XPO1: variants seen among roughly 807,000 people sequenced by gnomAD.
XPO1 encodes the protein exportin-1.
XPO1 carries 5 observed loss-of-function variants against 133.3 expected under a neutral mutation model. That is an observed-to-expected ratio of 0.04 (90% CI 0.02 to 0.08). The LOEUF is 0.08. Among genes scored for constraint, XPO1 ranks in the 10% least tolerant of loss-of-function variants. XPO1 has a pLI of 1.00. For synonymous variants in XPO1, 419 were observed against 408.2 expected (o/e 1.03, Z -0.32); for missense variants, 506 against 1,267.5 (o/e 0.40, Z 9.12).
chr2:61,535,166 T>C (rs967290749), intron 1 of XPO1, among the ~76,000 whole-genome samples: 2 of 152,252 alleles, frequency 1.3e-5, no homozygotes, highest in Non-Finnish European at 2.9e-5. Context: ...CCCAGAATTA[T>C]AAAATATATC....
At chr2:61,521,745 T>G (rs1267589286) in intron 4 of XPO1, among the ~76,000 whole-genome samples, 3 of 151,808 alleles carry the variant, frequency 2.0e-5, no homozygotes, top group South Asian at 4.2e-4. Context: ...TTACATATGG[T>G]TTTTTTTGTT....
At chr2:61,517,945 G>A (rs1558666504) in intron 4 of XPO1, among the ~76,000 whole-genome samples, 1 of 151,952 alleles carries the variant, frequency 6.6e-6, no homozygotes, top group Non-Finnish European at 1.5e-5. Context: ...TGGTCAACAT[G>A]GCGAAACCCT....
chr2:61,526,155 C>T, intron 3 of XPO1: 1 of 1,252,984 alleles, frequency 8.0e-7, no homozygotes, highest in Non-Finnish European at 1.0e-6. Flanking sequence ...CTACTTAGAC[C>T]TGTATACATA....
chr2:61,532,391 T>C (rs1307769109), intron 2 of XPO1, among the ~76,000 whole-genome samples: 1 of 151,958 alleles, frequency 6.6e-6, no homozygotes, highest in Non-Finnish European at 1.5e-5. Flanking sequence ...CCTCTCAAAG[T>C]GCTGGGATTA....
chr2:61,490,810 T>C, intron 16 of XPO1, 34 bp from the exon 17 acceptor site: 1 of 1,601,568 alleles, frequency 6.2e-7, no homozygotes, highest in Non-Finnish European at 8.5e-7. Flanking sequence ...AACGTTTATG[T>C]TATACACCCT....
chr2:61,527,675 G>A (rs188335921), intron 2 of XPO1, among the ~76,000 whole-genome samples: 72 of 152,032 alleles, frequency 4.7e-4, no homozygotes, highest in Admixed American at 2.0e-3. Flanking sequence ...CTTTAAAGAG[G>A]GCTCCTAACA....
intron 6 of XPO1, among the ~76,000 whole-genome samples, chr2:61,501,524 C>T (rs1449197270): frequency 6.6e-6 from 1 of 151,856 alleles, no homozygotes; most frequent in African/African-American, 2.4e-5. Context: ...GAGTTTGAGA[C>T]CAGCCTGGCC....
chr2:61,493,755 C>A (rs1454175423), intron 12 of XPO1, 139 bp downstream of exon 12: 1 of 875,020 alleles, frequency 1.1e-6, no homozygotes, highest in African/African-American at 1.7e-5. Context: ...CTTTCATGTT[C>A]TAGTTTTCCA....
intron 24 of XPO1, among the ~76,000 whole-genome samples, chr2:61,480,892 T>C (rs928020961): frequency 6.6e-6 from 1 of 152,030 alleles, no homozygotes; most frequent in African/African-American, 2.4e-5. Context: ...TAAAAAGAAC[T>C]ACCAACGTTT....
chr2:61,496,842 A>G, intron 10 of XPO1, 37 bp downstream of exon 10: 1 of 1,481,538 alleles, frequency 6.7e-7, no homozygotes, highest in South Asian at 1.4e-5. Context: ...AAGGCACTAA[A>G]ATTATTCAGC....
intron 4 of XPO1, among the ~76,000 whole-genome samples, chr2:61,520,379 G>A (rs1698630953): frequency 6.6e-6 from 1 of 152,106 alleles, no homozygotes; most frequent in Admixed American, 6.6e-5. Context: ...AAGTATGGTG[G>A]CTCATGCTTA....
intron 2 of XPO1, among the ~76,000 whole-genome samples, chr2:61,528,738 TA>T (rs1699024087): frequency 2.4e-4 from 1 of 4,220 alleles, no homozygotes; most frequent in African/African-American, 2.3e-3. Flanking sequence ...TTTATTTATA[TA>T]TATATATATA....
At chr2:61,496,426 T>C (rs753289684) in intron 10 of XPO1, among the ~76,000 whole-genome samples, 1 of 152,162 alleles carries the variant, frequency 6.6e-6, no homozygotes, top group Non-Finnish European at 1.5e-5. Flanking sequence ...TCCTGGCTGG[T>C]CTCGAACTCC....
At chr2:61,479,455 C>CA (rs11439788) in intron 24 of XPO1, among the ~76,000 whole-genome samples, 24,482 of 150,666 alleles carry the variant, frequency 0.16, 2,536 homozygotes, top group African/African-American at 0.29. Flanking sequence ...TGTGCCCCCC[C>CA]AAAAAAAACA....
At position 61,517,596 on chromosome 2, in the gene XPO1, A is replaced by C. The variant is rs1001350856; in HGVS notation, c.301+5015T>G. Among the ~76,000 whole-genome samples the C allele has an allele frequency of 3.3e-5, 5 of 152,146 alleles. No individual in the cohort carries two copies. The East Asian group carries it at 9.6e-4, about 29-fold the overall frequency. ...GTGAGATCTTGTCTCAAAACAAATG[A>C]ATAAATAAAAGACTACCATGAATAG... is the stretch of plus-strand genomic sequence containing the variant. On this transcript the variant is annotated intron_variant, in intron 4 of 24. Coordinates refer to ENST00000401558, the MANE Select transcript of XPO1 (RefSeq NM_003400.4).
chr2:61,490,253 CAGT>C (rs1490157690), intron 17 of XPO1, among the ~76,000 whole-genome samples: 1 of 147,578 alleles, frequency 6.8e-6, no homozygotes, highest in African/African-American at 2.5e-5. Flanking sequence ...GGCTAGAGAA[CAGT>C]AGCTCAATCT....
At chr2:61,526,866 G>T (rs891362764) in intron 2 of XPO1, among the ~76,000 whole-genome samples, 63 of 151,930 alleles carry the variant, frequency 4.1e-4, no homozygotes, top group Admixed American at 3.3e-4. Flanking sequence ...TGCCACCACA[G>T]CCAGCTAATT....
chr2:61,500,578 C>CAAAAAAAAAAAAAAAAAAAAA (rs56213841), intron 6 of XPO1, among the ~76,000 whole-genome samples: 1 of 40,412 alleles, frequency 2.5e-5, no homozygotes, highest in African/African-American at 1.3e-4. Flanking sequence ...GACTCCATCT[C>CAAAAAAAAAAAAAAAAAAAAA]AAAAAAAAAA....
chr2:61,506,148 G>T (rs112627366), intron 4 of XPO1, among the ~76,000 whole-genome samples: 1 of 152,084 alleles, frequency 6.6e-6, no homozygotes, highest in South Asian at 2.1e-4. Context: ...CCAGCCGGAC[G>T]GATGGCTCAC....
Sources: gnomAD v4.1 joint callset for allele counts (sites outside exome capture counted in the v4.1 genomes callset) on GRCh38, gnomAD v4.1.1 for gene constraint, MANE v1.5 for transcripts, NCBI Gene and HGNC (gene_info 2026-07-23, HGNC 2026-07-21) for gene names.